The following TRPC5 variants were observed in gnomAD, a reference collection of about 807,000 sequenced individuals.
TRPC5 encodes short transient receptor potential channel 5.
Under a neutral mutation model 56.5 loss-of-function variants are expected in TRPC5, and 9 were observed. That is an observed-to-expected ratio of 0.16 (90% CI 0.10 to 0.28). TRPC5 has a LOEUF of 0.28. Ranked by LOEUF, TRPC5 falls within the 10% of genes least tolerant of loss-of-function variation. The pLI, the probability that TRPC5 is intolerant of heterozygous loss-of-function variation, is 1.00. For missense variants in TRPC5, 469 were observed against 748.9 expected, an observed-to-expected ratio of 0.63 and a Z score of 4.36; for synonymous variants, 282 against 278.5, an observed-to-expected ratio of 1.01 and a Z score of -0.13.
chrX:111,930,514 T>C (rs1193130826), intron 2 of TRPC5, among the ~76,000 whole-genome samples: 2 of 110,821 alleles, frequency 1.8e-5, no homozygotes, highest in Non-Finnish European at 3.8e-5. Context: ...GGCACGAGAA[T>C]AGCTTGAACC....
chrX:112,061,832 C>T (rs553359110), intron 1 of TRPC5, among the ~76,000 whole-genome samples: 3 of 111,667 alleles, frequency 2.7e-5, no homozygotes, highest in African/African-American at 9.7e-5. Context: ...TACCTCTTTG[C>T]TCCTTCTTTA....
At position 111,893,216 on chromosome X, in the gene TRPC5, A is replaced by G. The variant is rs188409143; in HGVS notation, c.900+19075T>C. Among the ~76,000 whole-genome samples, 4 of 111,269 alleles carry G rather than the reference A, an allele frequency of 3.6e-5. No homozygotes were observed. In the East Asian group the frequency reaches 1.1e-3, roughly 31 times the overall value. ...CAGAAAGCTGAAGAAAGACTTGGAA[A>G]TAGAACCCCTTTTCCTGTTACCTCC... On this transcript the variant is annotated intron_variant, in intron 3 of 10. Transcript: ENST00000262839.
At chrX:111,970,254 C>A (rs1927742810) in intron 1 of TRPC5, among the ~76,000 whole-genome samples, 1 of 111,558 alleles carries the variant, frequency 9.0e-6, no homozygotes, top group African/African-American at 3.3e-5. Flanking sequence ...TTCTATTATT[C>A]TTCAAAGATG....
At chrX:111,921,723 CAACCAACTCGATTGAATT>C (rs1926133261) in intron 2 of TRPC5, among the ~76,000 whole-genome samples, 2 of 111,806 alleles carry the variant, frequency 1.8e-5, no homozygotes, top group South Asian at 7.6e-4. Flanking sequence ...CCTGGTACAT[CAACCAACTCGATTGAATT>C]TTAAAATTTG....
chrX:111,944,267 A>AGTATGTGTGTGTGTGTGTGTGTGT, intron 2 of TRPC5, among the ~76,000 whole-genome samples: 1 of 71,740 alleles, frequency 1.4e-5, no homozygotes, highest in African/African-American at 5.8e-5. Flanking sequence ...GGAGTAGAAG[A>AGTATGTGTGTGTGTGTGTGTGTGT]GTGTGTGTGT....
At chrX:111,909,132 A>T (rs1395812276) in intron 3 of TRPC5, among the ~76,000 whole-genome samples, 125 of 86,035 alleles carry the variant, frequency 1.5e-3, no homozygotes, top group Non-Finnish European at 2.5e-3. Context: ...AAAAATAAAT[A>T]AATAAATAAA....
At chrX:111,881,221 G>A (rs1924202499) in intron 3 of TRPC5, among the ~76,000 whole-genome samples, 1 of 105,897 alleles carries the variant, frequency 9.4e-6, no homozygotes, top group African/African-American at 3.7e-5. Flanking sequence ...CCTGTCACCA[G>A]GCTGGAGTGT....
chrX:111,856,538 A>AAAT (rs750089190), intron 3 of TRPC5, among the ~76,000 whole-genome samples: 5,514 of 95,096 alleles, frequency 0.058, 186 homozygotes, highest in African/African-American at 0.1. Flanking sequence ...GCCCTGTCTC[A>AAAT]AATAATAATA....
At chrX:112,009,835 G>A (rs1928944367) in intron 1 of TRPC5, among the ~76,000 whole-genome samples, 1 of 110,809 alleles carries the variant, frequency 9.0e-6, no homozygotes, top group Non-Finnish European at 1.9e-5. Context: ...ATCACACACC[G>A]GGGCCTGTTG....
At position 111,769,568 on chromosome X, in the gene TRPC5, A is replaced by AAT. The variant is rs749176789; in HGVS notation, c.*6744_*6745insAT. Among the ~76,000 whole-genome samples the AAT allele has an allele frequency of 9.0e-6, 1 of 111,369 alleles. No homozygotes were observed. Among genetic ancestry groups the AAT allele is most frequent in the Non-Finnish European group, 1.9e-5 (1 of 53,032 alleles). On this transcript the variant is annotated 3_prime_UTR_variant, in exon 11 of 11. Transcript: ENST00000262839. ...GCTTCCAGGGGTATATACAACTCTG[A>AAT]AAACTCACCAATTTGTACACTTTAA...
intron 7 of TRPC5, among the ~76,000 whole-genome samples, chrX:111,803,997 G>A (rs1387235616): frequency 1.8e-5 from 2 of 112,266 alleles, no homozygotes; most frequent in Non-Finnish European, 3.8e-5. Context: ...TAACATTTAA[G>A]TCTTTAATCC....
At chrX:112,005,376 C>T (rs184098379) in intron 1 of TRPC5, among the ~76,000 whole-genome samples, 85 of 104,702 alleles carry the variant, frequency 8.1e-4, no homozygotes, top group African/African-American at 2.6e-3. Flanking sequence ...ACCTGGGTGA[C>T]GAAATAATCT....
At chrX:111,831,058 T>C (rs1922392652) in intron 7 of TRPC5, among the ~76,000 whole-genome samples, 1 of 112,341 alleles carries the variant, frequency 8.9e-6, no homozygotes, top group African/African-American at 3.2e-5. Flanking sequence ...CCTACTATAG[T>C]GATATTCAGA....
intron 1 of TRPC5, among the ~76,000 whole-genome samples, chrX:111,953,068 G>A (rs1927136004): frequency 8.9e-6 from 1 of 111,812 alleles, no homozygotes; most frequent in South Asian, 3.8e-4. Flanking sequence ...GCACATCCTG[G>A]ATTGAAATCC....
chrX:111,857,213 A>C (rs908468262), intron 3 of TRPC5, among the ~76,000 whole-genome samples: 1 of 112,214 alleles, frequency 8.9e-6, no homozygotes, highest in Non-Finnish European at 1.9e-5. Flanking sequence ...GGCAGTCAAA[A>C]CTAGAGGCAG....
intron 7 of TRPC5, among the ~76,000 whole-genome samples, chrX:111,793,999 T>G (rs1946041930): frequency 9.0e-6 from 1 of 111,505 alleles, no homozygotes; most frequent in Admixed American, 9.6e-5. Flanking sequence ...ATGGTCAGAA[T>G]AGACAAATCC....
intron 7 of TRPC5, among the ~76,000 whole-genome samples, chrX:111,807,076 T>C (rs1351887811): frequency 1.8e-5 from 2 of 111,832 alleles, no homozygotes; most frequent in African/African-American, 6.5e-5. Context: ...TGCTTGGTGT[T>C]CTATTACCTT....
chrX:112,077,808 G>A (rs777308153), intron 1 of TRPC5, among the ~76,000 whole-genome samples: 13 of 112,203 alleles, frequency 1.2e-4, no homozygotes, highest in African/African-American at 3.2e-4. Flanking sequence ...AAGAATATCC[G>A]TCTGCAAACC....
At chrX:111,864,705 C>T (rs754393073) in intron 3 of TRPC5, among the ~76,000 whole-genome samples, 8 of 112,213 alleles carry the variant, frequency 7.1e-5, no homozygotes, top group Admixed American at 2.8e-4. Flanking sequence ...TGCTTTTCTT[C>T]GAAAACTTGG....
Sources: gnomAD v4.1 joint callset for allele counts (sites outside exome capture counted in the v4.1 genomes callset) on GRCh38, gnomAD v4.1.1 for gene constraint, MANE v1.5 for transcripts, NCBI Gene and HGNC (gene_info 2026-07-23, HGNC 2026-07-21) for gene names.